ANO3: variants seen among roughly 807,000 people sequenced by gnomAD.
The protein encoded by ANO3 is anoctamin 3, also known as anoctamin-3.
In ANO3, 99 loss-of-function variants were observed where a neutral mutation model predicts 144.8. The observed-to-expected ratio is 0.68, with a 90% CI of 0.58 to 0.81. The LOEUF (loss-of-function observed/expected upper bound fraction) is 0.81. Ranked by LOEUF, ANO3 falls within the 30% of genes least tolerant of loss-of-function variation. The pLI is 0.00. For synonymous variants in ANO3, 414 were observed against 392.6 expected (o/e 1.05, Z -0.64); for missense variants, 905 against 1,202.2 (o/e 0.75, Z 3.66).
chr11:26,424,535 C>G (rs917730397), intron 1 of ANO3, among the ~76,000 whole-genome samples: 8 of 152,020 alleles, frequency 5.3e-5, no homozygotes, highest in Non-Finnish European at 1.2e-4. Context: ...TTTTTACTAT[C>G]AGCTAACACC....
At chr11:26,522,519 A>G (rs1228570184) in intron 6 of ANO3, among the ~76,000 whole-genome samples, 2 of 152,180 alleles carry the variant, frequency 1.3e-5, no homozygotes, top group Non-Finnish European at 2.9e-5. Context: ...CACAAGGTAT[A>G]AAATAGCAGA....
chr11:26,333,355 CACT>C (rs1052535131), intron 1 of ANO3, among the ~76,000 whole-genome samples: 1 of 151,026 alleles, frequency 6.6e-6, no homozygotes, highest in African/African-American at 2.4e-5. Flanking sequence ...GATCTCGGCT[CACT>C]GCAAGCTCTG....
chr11:26,322,120 C>T (rs766805261), intron 1 of ANO3, among the ~76,000 whole-genome samples: 5 of 151,946 alleles, frequency 3.3e-5, no homozygotes, highest in Non-Finnish European at 7.4e-5. Flanking sequence ...AGTTTATGTA[C>T]CGCATTTTTT....
chr11:26,538,571 G>C (rs1590486073), intron 10 of ANO3, among the ~76,000 whole-genome samples: 1 of 152,064 alleles, frequency 6.6e-6, no homozygotes, highest in East Asian at 1.9e-4. Flanking sequence ...GCAAACTTAA[G>C]GCCCAAGGAG....
chr11:26,451,848 G>A (rs1212130897), intron 3 of ANO3, among the ~76,000 whole-genome samples: 1 of 152,174 alleles, frequency 6.6e-6, no homozygotes, highest in Non-Finnish European at 1.5e-5. Context: ...AGTAGGGGCA[G>A]ACTGACACCT....
intron 6 of ANO3, among the ~76,000 whole-genome samples, chr11:26,524,621 A>T (rs549827638): frequency 2.0e-5 from 3 of 152,146 alleles, no homozygotes; most frequent in Non-Finnish European, 4.4e-5. Flanking sequence ...GAGCTCCAAC[A>T]TGAGCATGTA....
intron 1 of ANO3, among the ~76,000 whole-genome samples, chr11:26,242,543 T>G (rs967351545): frequency 7.9e-5 from 12 of 152,252 alleles, no homozygotes; most frequent in African/African-American, 2.4e-4. Flanking sequence ...ATATAGTTTG[T>G]GCATTATTTA....
intron 23 of ANO3, among the ~76,000 whole-genome samples, chr11:26,644,554 T>A (rs539073732): frequency 6.6e-6 from 1 of 152,356 alleles, no homozygotes; most frequent in East Asian, 1.9e-4. Context: ...AGAAATGTTG[T>A]GCCAATTTAC....
chr11:26,543,885 T>C (rs1472560187), intron 11 of ANO3, among the ~76,000 whole-genome samples: 3 of 152,190 alleles, frequency 2.0e-5, no homozygotes, highest in East Asian at 3.9e-4. Flanking sequence ...TGGTTCCAAG[T>C]CTTTGCTATT....
chr11:26,344,458 C>T (rs543482777), intron 1 of ANO3, among the ~76,000 whole-genome samples: 7 of 151,578 alleles, frequency 4.6e-5, no homozygotes, highest in South Asian at 4.2e-4. Flanking sequence ...CTCTGCCTCC[C>T]GGGTTCACGT....
At chr11:26,643,468 T>G in intron 23 of ANO3, 134 bp downstream of exon 23, 236 of 1,023,834 alleles carry the variant, frequency 2.3e-4, no homozygotes, top group Middle Eastern at 3.1e-4. Flanking sequence ...AAGAAGTGAT[T>G]AAGCTGGCCG....
intron 14 of ANO3, among the ~76,000 whole-genome samples, chr11:26,579,545 T>C (rs1318175103): frequency 1.3e-5 from 2 of 152,162 alleles, no homozygotes. Context: ...GCAGGGAACA[T>C]TGAAAACATA....
intron 1 of ANO3, among the ~76,000 whole-genome samples, chr11:26,277,882 T>A (rs1853592390): frequency 6.6e-6 from 1 of 152,126 alleles, no homozygotes; most frequent in Non-Finnish European, 1.5e-5. Flanking sequence ...CCAGTAAAGA[T>A]ATCTTTATGA....
At chr11:26,555,797 A>G (rs1850066849) in intron 13 of ANO3, among the ~76,000 whole-genome samples, 1 of 152,186 alleles carries the variant, frequency 6.6e-6, no homozygotes. Context: ...ATAGCTAATA[A>G]TTTATTGATG....
intron 1 of ANO3, among the ~76,000 whole-genome samples, chr11:26,364,564 C>G (rs1856011415): frequency 6.6e-6 from 1 of 152,246 alleles, no homozygotes; most frequent in Admixed American, 6.5e-5. Flanking sequence ...CCTAAGGGAG[C>G]TTTCAATCAT....
chr11:26,553,244 TCAAGCC>T lies in ANO3; in HGVS notation c.1290-4_1291del. On this transcript the variant is annotated splice_acceptor_variant and splice_polypyrimidine_tract_variant and coding_sequence_variant and intron_variant, in exon 13 of 27. Coordinates refer to ENST00000256737, the MANE Select transcript of ANO3 (RefSeq NM_031418.4). LOFTEE classifies it high-confidence loss of function. ...GTTTTGTTTTTGTTTTTGTTTTTTCTCAAGCCAAGAAATTTGTAAAGCCACTGAAGT... is the reference window on the plus strand; with the variant it reads ...GTTTTGTTTTTGTTTTTGTTTTTTCTAAGAAATTTGTAAAGCCACTGAAGT... The T allele has an allele frequency of 2.1e-6, 3 of 1,436,564 alleles. No homozygotes were observed. Among genetic ancestry groups the T allele is most frequent in the Non-Finnish European group, 2.9e-6 (3 of 1,030,652 alleles). The allele number at this position is 1,436,564 out of a possible 1,614,324, so 89.0% of individuals were successfully genotyped here.
chr11:26,463,794 C>A (rs1226730881), intron 4 of ANO3, among the ~76,000 whole-genome samples: 1 of 151,762 alleles, frequency 6.6e-6, no homozygotes, highest in Non-Finnish European at 1.5e-5. Context: ...CATCAGATAC[C>A]AAAGACAAAA....
At chr11:26,385,206 A>C (rs960236978) in intron 1 of ANO3, among the ~76,000 whole-genome samples, 2 of 152,236 alleles carry the variant, frequency 1.3e-5, no homozygotes, top group Non-Finnish European at 2.9e-5. Context: ...AAACAGATAA[A>C]ATAAGCATAT....
chr11:26,570,035 T>C (rs1443837236), intron 14 of ANO3, among the ~76,000 whole-genome samples: 1 of 152,072 alleles, frequency 6.6e-6, no homozygotes, highest in African/African-American at 2.4e-5. Flanking sequence ...CTTCTAAAGG[T>C]AGAATTACTA....
Sources: gnomAD v4.1 joint callset for allele counts (sites outside exome capture counted in the v4.1 genomes callset) on GRCh38, gnomAD v4.1.1 for gene constraint, MANE v1.5 for transcripts, NCBI Gene and HGNC (gene_info 2026-07-23, HGNC 2026-07-21) for gene names.